GNB1: variants seen among roughly 807,000 people sequenced by gnomAD.
The protein encoded by GNB1 is guanine nucleotide-binding protein G(I)/G(S)/G(T) subunit beta-1.
Under a neutral mutation model 42.9 loss-of-function variants are expected in GNB1, and 2 were observed. The ratio of observed to expected loss-of-function variants is 0.05; its 90% CI spans 0.02 to 0.15. GNB1 has a LOEUF of 0.15. Among genes scored for constraint, GNB1 ranks in the 10% least tolerant of loss-of-function variants. GNB1 has a pLI of 1.00. For missense variants in GNB1, 193 were observed against 462.2 expected (o/e 0.42, Z 5.34); for synonymous variants, 183 against 174.7 (o/e 1.05, Z -0.38).
At chr1:1,885,633 T>C (rs1650108787) in intron 1 of GNB1, among the ~76,000 whole-genome samples, 2 of 139,888 alleles carry the variant, frequency 1.4e-5, no homozygotes, top group African/African-American at 5.4e-5. Context: ...CTCGGCTCAC[T>C]GCAAGCTCCG....
At chr1:1,852,686 G>GAAAA (rs796226364) in intron 1 of GNB1, among the ~76,000 whole-genome samples, 5 of 132,208 alleles carry the variant, frequency 3.8e-5, no homozygotes, top group African/African-American at 1.4e-4. Context: ...TGTCTCTTAA[G>GAAAA]AAAAAAAAAA....
In GNB1 at chr1:1,825,398, C is replaced by T. The variant is rs913676409; in HGVS notation, c.56G>A (p.Arg19Gln). ...QEAEQLKNQIRDARKACADAT... is the reference protein window; with the variant it reads ...QEAEQLKNQIQDARKACADAT... ...AACCAAGCACACACAACTACATACT[C>T]GAATCTGGTTCTTAAGTTGCTCGGC... Residue 19 changes from arginine to glutamine, a missense_variant and splice_region_variant, in exon 3 of 12, where the codon CGA becomes CAA. Transcript: ENST00000378609. The T allele has an allele frequency of 6.2e-7, 1 of 1,607,726 alleles. No homozygotes were observed. Among genetic ancestry groups the T allele is most frequent in the Non-Finnish European group, 8.5e-7 (1 of 1,174,110 alleles).
chr1:1,834,841 T>A (rs1647124231), intron 2 of GNB1, among the ~76,000 whole-genome samples: 2 of 152,008 alleles, frequency 1.3e-5, no homozygotes, highest in Admixed American at 6.6e-5. Context: ...GCTAATTTTT[T>A]AAATTTTTAT....
chr1:1,815,818 C>A lies in GNB1; in HGVS notation c.141G>T (p.Thr47=), dbSNP rs200359185. 1.6e-5 allele frequency: 25 copies of A among 1,611,538 alleles called. No homozygotes were observed. The highest frequency in any genetic ancestry group is 2.0e-5 in the Non-Finnish European group (23 of 1,177,712). The change falls in exon 5 of 12, where the codon ACG becomes ACT. Residue 47 remains threonine, a synonymous_variant. Coordinates refer to ENST00000378609, the MANE Select transcript of GNB1 (RefSeq NM_002074.5). ...CCAGGTGCCCCCGCAGTGTCCTCCT[C>A]GTGCGCATTTGGATTCTTCCCACTG... ...IDPVGRIQMR[T]RRTLRGHLAK...
chr1:1,817,790 A>T, intron 4 of GNB1, 47 bp downstream of exon 4: 1 of 1,427,170 alleles, frequency 7.0e-7, no homozygotes, highest in Non-Finnish European at 9.9e-7. Flanking sequence ...GTGCCGTGCT[A>T]GCCTCCTCAC....
chr1:1,870,591 C>T (rs1024958433), intron 1 of GNB1, among the ~76,000 whole-genome samples: 4 of 152,160 alleles, frequency 2.6e-5, no homozygotes, highest in African/African-American at 7.2e-5. Flanking sequence ...CTTCCTTATG[C>T]GCTGTTACGC....
In GNB1 at chr1:1,787,529, C is replaced by G. The variant is rs1299224680; in HGVS notation, c.917-92G>C. ...TGTGACGAGGACGGATGGTGCATCT[C>G]TCATGGGACAAGACCCAGAGTCTCC... On this transcript the variant is annotated intron_variant, in intron 10 of 11. Coordinates refer to ENST00000378609, the MANE Select transcript of GNB1 (RefSeq NM_002074.5). The surrounding 1 kb of genome is among the most constrained non-coding windows in gnomAD (Gnocchi z 4.4). The G allele has an allele frequency of 8.0e-6, 6 of 750,220 alleles. No individual in the cohort carries two copies. The highest frequency in any genetic ancestry group is 1.4e-5 in the Non-Finnish European group (6 of 441,322). 46.5% of individuals were successfully genotyped at this position (750,220 alleles called of 1,614,324 possible).
Position 1,850,866 on chromosome 1 carries a change from C to G in GNB1, c.-95-11628G>C, listed in dbSNP as rs116808015. 8.4e-3 allele frequency among the ~76,000 whole-genome samples: 1,276 copies of G among 152,286 alleles called. 22 individuals are homozygous for G. The highest frequency in any genetic ancestry group is 0.029 in the African/African-American group (1,225 of 41,566). ...GTACACCTCTTTGTCTGAGCCACTACTGTGTGGGGATGAGGGGTTAATTCA... is the reference window on the plus strand; with the variant it reads ...GTACACCTCTTTGTCTGAGCCACTAGTGTGTGGGGATGAGGGGTTAATTCA... On this transcript the variant is annotated intron_variant, in intron 1 of 11. Coordinates refer to ENST00000378609, the MANE Select transcript of GNB1 (RefSeq NM_002074.5).
At chr1:1,861,030 C>A (rs914710036) in intron 1 of GNB1, among the ~76,000 whole-genome samples, 2 of 151,266 alleles carry the variant, frequency 1.3e-5, no homozygotes, top group Non-Finnish European at 2.9e-5. Context: ...ATCCCTTGAA[C>A]CCGGGAGGCA....
chr1:1,847,644 C>T (rs1647741500), intron 1 of GNB1, among the ~76,000 whole-genome samples: 1 of 152,176 alleles, frequency 6.6e-6, no homozygotes, highest in Non-Finnish European at 1.5e-5. Context: ...AAGGTTGTTA[C>T]AGAAAAAGCT....
At chr1:1,883,437 T>C (rs562062139) in intron 1 of GNB1, among the ~76,000 whole-genome samples, 12 of 152,274 alleles carry the variant, frequency 7.9e-5, no homozygotes, top group African/African-American at 2.9e-4. Context: ...TCTGGAACCA[T>C]GGAGAAAAAA....
At chr1:1,889,395 T>C (rs554075712) in intron 1 of GNB1, among the ~76,000 whole-genome samples, 2 of 152,298 alleles carry the variant, frequency 1.3e-5, no homozygotes, top group South Asian at 4.2e-4. Context: ...TCTACACTAT[T>C]TACCCATAAG....
intron 2 of GNB1, among the ~76,000 whole-genome samples, chr1:1,830,354 G>A (rs920041938): frequency 1.3e-5 from 2 of 151,020 alleles, no homozygotes; most frequent in South Asian, 2.1e-4. Flanking sequence ...TCCACCTCCC[G>A]GGTTCACGCC....
chr1:1,855,489 CAGG>C (rs1368508931), intron 1 of GNB1, among the ~76,000 whole-genome samples: 2 of 152,134 alleles, frequency 1.3e-5, no homozygotes, highest in East Asian at 3.9e-4. Context: ...ATCACAAGGT[CAGG>C]AGATCAAGAC....
At chr1:1,873,056 G>GTT (rs981544654) in intron 1 of GNB1, among the ~76,000 whole-genome samples, 1 of 144,840 alleles carries the variant, frequency 6.9e-6, no homozygotes, top group Admixed American at 6.9e-5. Flanking sequence ...GCTAAGCCTT[G>GTT]TTTTTTTTTT....
rs181718773 is a variant in GNB1, at chr1:1,885,178, G to C, written c.-96+5642C>G. 1.9e-3 allele frequency among the ~76,000 whole-genome samples: 291 copies of C among 151,314 alleles called. 11 individuals are homozygous for C. In the East Asian group the frequency reaches 0.054, roughly 28 times the overall value. On this transcript the variant is annotated intron_variant, in intron 1 of 11. Coordinates refer to ENST00000378609, the MANE Select transcript of GNB1 (RefSeq NM_002074.5). ...CTGTAATCCCAGCACTTTGGGAGGC[G>C]GAGGCGGGCGGATCACTTGAGGTCA... is the stretch of plus-strand genomic sequence containing the variant.
chr1:1,797,248 C>G (rs6603794), intron 7 of GNB1, among the ~76,000 whole-genome samples: 147,881 of 152,260 alleles, frequency 0.97, 71,850 homozygotes, highest in East Asian at 1. Flanking sequence ...CTAAATGTCT[C>G]ACAATAGGAA....
At chr1:1,804,758 A>C (rs1646673761) in intron 6 of GNB1, among the ~76,000 whole-genome samples, 177 bp from the exon 7 acceptor site, 1 of 152,246 alleles carries the variant, frequency 6.6e-6, no homozygotes, top group South Asian at 2.1e-4. Flanking sequence ...ACTTAATGAG[A>C]AGTCCAGTGC....
intron 1 of GNB1, among the ~76,000 whole-genome samples, chr1:1,873,484 G>A (rs763449226): frequency 9.9e-5 from 15 of 152,216 alleles, no homozygotes; most frequent in South Asian, 2.1e-4. Context: ...GAACAGAGAT[G>A]AGCCCTGCCC....
Sources: allele counts gnomAD v4.1 joint callset (sites outside exome capture counted in the v4.1 genomes callset), GRCh38; gene constraint gnomAD v4.1.1; non-coding constraint Gnocchi (gnomAD v3.1); transcripts MANE v1.5; gene names NCBI Gene and HGNC (gene_info 2026-07-23, HGNC 2026-07-21).